ASH1L: variants seen among roughly 807,000 people sequenced by gnomAD.
The protein encoded by ASH1L is histone-lysine N-methyltransferase ASH1L.
In ASH1L, 23 loss-of-function variants were observed where a neutral mutation model predicts 269.0. The ratio of observed to expected loss-of-function variants is 0.09; its 90% confidence interval spans 0.06 to 0.12. The LOEUF is 0.12. ASH1L is among the 10% of genes least tolerant of loss of function. ASH1L has a pLI of 1.00. For missense variants in ASH1L, 2,912 were observed against 3,567.8 expected, an observed-to-expected ratio of 0.82 and a Z score of 4.68; for synonymous variants, 1,187 against 1,253.5, an observed-to-expected ratio of 0.95 and a Z score of 1.12.
At chr1:155,496,366 C>T (rs1164728795) in intron 2 of ASH1L, among the ~76,000 whole-genome samples, 2 of 152,178 alleles carry the variant, frequency 1.3e-5, no homozygotes, top group East Asian at 1.9e-4. Flanking sequence ...TTACGCAGCA[C>T]GCGACTGTAG....
At chr1:155,522,333 A>G (rs1003866018) in intron 1 of ASH1L, among the ~76,000 whole-genome samples, 2 of 152,222 alleles carry the variant, frequency 1.3e-5, no homozygotes, top group African/African-American at 2.4e-5. Flanking sequence ...TATGCCAGGC[A>G]TCATGCTACA....
Position 155,536,462 on chromosome 1 carries a change from C to G in ASH1L, c.-99-14844G>C, listed in dbSNP as rs189478308. 1.2e-3 allele frequency among the ~76,000 whole-genome samples: 180 copies of G among 152,296 alleles called. 1 individual carries two copies. Among genetic ancestry groups the G allele is most frequent in the African/African-American group, 4.1e-3 (171 of 41,558 alleles). ...TAATAACTTGTTATCATCCTTGACTCCTTCCTTTATCTCAAATCCTACACA... is the reference window on the plus strand; with the variant it reads ...TAATAACTTGTTATCATCCTTGACTGCTTCCTTTATCTCAAATCCTACACA... On this transcript the variant is annotated intron_variant, in intron 1 of 27. Coordinates refer to ENST00000392403, the MANE Select transcript of ASH1L (RefSeq NM_018489.3).
intron 1 of ASH1L, among the ~76,000 whole-genome samples, chr1:155,540,383 TTTG>T (rs915293690): frequency 6.6e-6 from 1 of 152,192 alleles, no homozygotes; most frequent in Non-Finnish European, 1.5e-5. Flanking sequence ...CTGTTTACTT[TTTG>T]TTGTTGTTAA....
chr1:155,508,195 G>C (rs1337436616), intron 2 of ASH1L, among the ~76,000 whole-genome samples: 1 of 152,006 alleles, frequency 6.6e-6, no homozygotes, highest in African/African-American at 2.4e-5. Flanking sequence ...TACTGCTGTA[G>C]AAAAATGAAT....
intron 5 of ASH1L, among the ~76,000 whole-genome samples, chr1:155,420,342 C>T (rs1339705516): frequency 3.4e-5 from 3 of 87,330 alleles, no homozygotes; most frequent in African/African-American, 1.3e-4. Context: ...CCAGCCTGGG[C>T]AACAGAATGA....
Position 155,562,346 on chromosome 1 carries a change from C to T in ASH1L, c.-293G>A, listed in dbSNP as rs1013631245. The T allele has an allele frequency of 1.9e-6, 3 of 1,545,806 alleles. No homozygotes were observed. Among genetic ancestry groups the T allele is most frequent in the Non-Finnish European group, 2.7e-6 (3 of 1,131,106 alleles). ...GGGAAAGGTGGAAGGCTAAAGGGGG[C>T]AAACTGAGGGGAGGCGGGTCCCGCA... On this transcript the variant is annotated 5_prime_UTR_variant, in exon 1 of 28. Coordinates refer to ENST00000392403, the MANE Select transcript of ASH1L (RefSeq NM_018489.3).
intron 6 of ASH1L, among the ~76,000 whole-genome samples, chr1:155,406,525 G>A (rs886953520): frequency 2.0e-5 from 3 of 152,116 alleles, no homozygotes; most frequent in Admixed American, 2.0e-4. Flanking sequence ...GCAACATAAT[G>A]AGGCCTTGTC....
intron 2 of ASH1L, among the ~76,000 whole-genome samples, chr1:155,506,701 AAAAAAG>A (rs1313542447): frequency 6.6e-6 from 1 of 152,194 alleles, no homozygotes; most frequent in Admixed American, 6.5e-5. Flanking sequence ...TCTCAAATAA[AAAAAAG>A]AAAAAGAAAC....
At chr1:155,473,466 A>C (rs1025187150) in intron 3 of ASH1L, among the ~76,000 whole-genome samples, 2 of 151,446 alleles carry the variant, frequency 1.3e-5, no homozygotes, top group African/African-American at 4.9e-5. Flanking sequence ...TGGAAGGTTA[A>C]TGCCTATATT....
chr1:155,549,570 A>G (rs1380509841), intron 1 of ASH1L, among the ~76,000 whole-genome samples: 1 of 150,878 alleles, frequency 6.6e-6, no homozygotes, highest in Non-Finnish European at 1.5e-5. Flanking sequence ...GGTTGCAGTG[A>G]GCCGAGATCG....
intron 2 of ASH1L, among the ~76,000 whole-genome samples, chr1:155,483,977 A>G (rs1666132690): frequency 6.6e-6 from 1 of 152,144 alleles, no homozygotes; most frequent in African/African-American, 2.4e-5. Flanking sequence ...GTATAAGAAA[A>G]TGGGGATGAA....
intron 1 of ASH1L, among the ~76,000 whole-genome samples, chr1:155,555,144 A>G (rs1192719690): frequency 2.0e-5 from 3 of 150,456 alleles, no homozygotes; most frequent in Non-Finnish European, 4.4e-5. Flanking sequence ...ACCGTCTCAA[A>G]AAAAAAAAAA....
At chr1:155,490,996 A>C (rs1666742787) in intron 2 of ASH1L, among the ~76,000 whole-genome samples, 1 of 99,694 alleles carries the variant, frequency 1.0e-5, no homozygotes, top group East Asian at 5.5e-4. Flanking sequence ...AAAAAAAAAA[A>C]AAAAAAAAAA....
chr1:155,435,629 A>T (rs1173385594), intron 5 of ASH1L, among the ~76,000 whole-genome samples: 1 of 145,906 alleles, frequency 6.9e-6, no homozygotes, highest in Non-Finnish European at 1.5e-5. Flanking sequence ...AGGTGGATGG[A>T]AAAAAAAAAA....
chr1:155,481,724 T>G lies in ASH1L; in HGVS notation c.1146A>C (p.Leu382=). The G allele has an allele frequency of 6.2e-7, 1 of 1,614,198 alleles. No homozygotes were observed. The highest frequency in any genetic ancestry group is 8.5e-7 in the Non-Finnish European group (1 of 1,180,030). Residue 382 remains leucine (L), a synonymous_variant, in exon 3 of 28, where the codon CTA becomes CTC. Coordinates refer to ENST00000392403, the MANE Select transcript of ASH1L (RefSeq NM_018489.3). ...TCTTCTTTGCACAGTCCTTGGCCAC[T>G]AGGCCAACAGTAGAACCCAATTTCT... ...LGKKLGSTVG[L]VAKDCAKKIV... is the part of the protein sequence containing the mutation.
At chr1:155,534,119 G>A (rs1199514492) in intron 1 of ASH1L, among the ~76,000 whole-genome samples, 1 of 149,930 alleles carries the variant, frequency 6.7e-6, no homozygotes, top group Non-Finnish European at 1.5e-5. Context: ...AGGCTATAGT[G>A]AGCCATGGTG....
chr1:155,364,855 C>T (rs373688510), intron 12 of ASH1L, among the ~76,000 whole-genome samples: 7 of 144,220 alleles, frequency 4.9e-5, no homozygotes, highest in Non-Finnish European at 8.9e-5. Context: ...GGCAGGTGAA[C>T]GGCTTGAACC....
At chr1:155,433,261 G>T (rs552980634) in intron 5 of ASH1L, 1 of 1,558,128 alleles carries the variant, frequency 6.4e-7, no homozygotes. Context: ...GGCCGGAGCC[G>T]GGCTGGGTTG....
intron 16 of ASH1L, among the ~76,000 whole-genome samples, chr1:155,353,257 G>A (rs1190494913): frequency 6.6e-6 from 1 of 152,170 alleles, no homozygotes; most frequent in Non-Finnish European, 1.5e-5. Flanking sequence ...AATAATGCAG[G>A]TTAAATGAGA....
Sources: gnomAD v4.1 joint callset for allele counts (sites outside exome capture counted in the v4.1 genomes callset) on GRCh38, gnomAD v4.1.1 for gene constraint, MANE v1.5 for transcripts, NCBI Gene and HGNC (gene_info 2026-07-23, HGNC 2026-07-21) for gene names.